The following DCDC2 variants were observed in gnomAD, a reference collection of about 807,000 sequenced individuals.
DCDC2 encodes the protein doublecortin domain containing 2.
Under a neutral mutation model 50.2 loss-of-function variants are expected in DCDC2, and 40 were observed. The ratio of observed to expected loss-of-function variants is 0.80; its 90% CI spans 0.62 to 1.04. The LOEUF is 1.04. DCDC2 is among the 50% of genes least tolerant of loss of function. The pLI, the probability that DCDC2 is intolerant of heterozygous loss-of-function variation, is 0.00. For missense variants in DCDC2, 570 were observed against 581.9 expected, an observed-to-expected ratio of 0.98 and a Z score of 0.21; for synonymous variants, 234 against 210.6, an observed-to-expected ratio of 1.11 and a Z score of -0.96.
chr6:24,313,935 T>C (rs750030218), intron 2 of DCDC2, among the ~76,000 whole-genome samples: 6 of 152,060 alleles, frequency 3.9e-5, no homozygotes, highest in African/African-American at 7.3e-5. Context: ...AAGGGAAGAA[T>C]AAGGTGGTGC....
At chr6:24,210,071 T>TCTGC (rs1270490925) in intron 7 of DCDC2, among the ~76,000 whole-genome samples, 3,209 of 140,604 alleles carry the variant, frequency 0.023, 39 homozygotes, top group Middle Eastern at 0.043. Context: ...TGTCTGTCTG[T>TCTGC]CTGCCTGCCT....
At chr6:24,227,501 G>A (rs1476248054) in intron 7 of DCDC2, among the ~76,000 whole-genome samples, 2 of 152,162 alleles carry the variant, frequency 1.3e-5, no homozygotes, top group South Asian at 2.1e-4. Flanking sequence ...AGCCAGACCC[G>A]TCAAAAGAGT....
chr6:24,220,424 G>A (rs1856837), intron 7 of DCDC2, among the ~76,000 whole-genome samples: 125,660 of 152,148 alleles, frequency 0.83, 52,631 homozygotes, highest in Non-Finnish European at 0.9. Flanking sequence ...GTCAAGAAGC[G>A]GAGAAGAAAT....
chr6:24,260,340 C>G (rs554642863), intron 7 of DCDC2, among the ~76,000 whole-genome samples: 2 of 151,574 alleles, frequency 1.3e-5, no homozygotes, highest in Admixed American at 6.5e-5. Flanking sequence ...ACTTGGAGAC[C>G]AGTCCAGACT....
At chr6:24,300,506 C>A (rs1056758277) in intron 4 of DCDC2, among the ~76,000 whole-genome samples, 1 of 152,204 alleles carries the variant, frequency 6.6e-6, no homozygotes, top group Admixed American at 6.5e-5. Context: ...ATGCTCTTTA[C>A]TTATATCGTA....
intron 2 of DCDC2, among the ~76,000 whole-genome samples, chr6:24,348,807 TAATC>T (rs1339129772): frequency 1.3e-5 from 2 of 152,174 alleles, no homozygotes; most frequent in Non-Finnish European, 2.9e-5. Context: ...TGCCACTAGA[TAATC>T]ATAGCTAGTT....
rs1052135359 is a variant in DCDC2, at chr6:24,178,582, C to T, written c.1074G>A (p.Lys358=). ...AAAAGTCTTCTTTCTGTTCTGCATC[C>T]TTGTTTGCCTTCTCTCCATCTTCTT... is the stretch of plus-strand genomic sequence containing the variant. ...DEEEDGEKAN[K]DAEQKEDFSG... Residue 358 remains lysine, a synonymous_variant, in exon 9 of 10, where the codon AAG becomes AAA. Transcript: ENST00000378454. 1.2e-6 allele frequency: 2 copies of T among 1,613,840 alleles called. No individual in the cohort carries two copies. Among genetic ancestry groups the T allele is most frequent in the African/African-American group, 1.3e-5 (1 of 74,906 alleles).
chr6:24,352,804 A>T (rs1760396422), intron 2 of DCDC2, among the ~76,000 whole-genome samples: 1 of 152,106 alleles, frequency 6.6e-6, no homozygotes, highest in Non-Finnish European at 1.5e-5. Context: ...CATTGGAAGC[A>T]CTTGTTTATT....
intron 2 of DCDC2, among the ~76,000 whole-genome samples, chr6:24,349,304 A>G (rs72833035): frequency 0.02 from 3,016 of 152,364 alleles, 43 homozygotes; most frequent in Middle Eastern, 0.031. Flanking sequence ...TCTTTTCAGC[A>G]AGACTATAAA....
At chr6:24,306,415 G>A (rs1319470885) in intron 2 of DCDC2, among the ~76,000 whole-genome samples, 5 of 151,962 alleles carry the variant, frequency 3.3e-5, no homozygotes, top group African/African-American at 9.7e-5. Flanking sequence ...TAGGTTAGCC[G>A]AGTGAATTAG....
At chr6:24,238,630 A>C (rs1581604857) in intron 7 of DCDC2, among the ~76,000 whole-genome samples, 1 of 152,244 alleles carries the variant, frequency 6.6e-6, no homozygotes, top group South Asian at 2.1e-4. Flanking sequence ...TTAGGCTATA[A>C]CCAGAAGTCA....
chr6:24,338,299 G>A (rs1396508624), intron 2 of DCDC2, among the ~76,000 whole-genome samples: 1 of 151,986 alleles, frequency 6.6e-6, no homozygotes, highest in Non-Finnish European at 1.5e-5. Flanking sequence ...CATTTAGGCT[G>A]GCTCAATATT....
intron 7 of DCDC2, among the ~76,000 whole-genome samples, chr6:24,270,932 T>TC (rs1299450935): frequency 1.3e-5 from 2 of 152,010 alleles, no homozygotes; most frequent in Admixed American, 6.6e-5. Context: ...ACAGAAAGGT[T>TC]CAGACCTGGC....
chr6:24,350,989 G>A (rs2127254087), intron 2 of DCDC2, among the ~76,000 whole-genome samples: 1 of 152,154 alleles, frequency 6.6e-6, no homozygotes, highest in East Asian at 1.9e-4. Flanking sequence ...ATCAGTTGTG[G>A]GAAAGAGAAA....
At chr6:24,288,756 G>GT in intron 6 of DCDC2, 96 bp downstream of exon 6, 1 of 1,175,152 alleles carries the variant, frequency 8.5e-7, no homozygotes, top group Non-Finnish European at 1.3e-6. Flanking sequence ...AAGCGGCTAA[G>GT]TTTTATCTCT....
At chr6:24,181,591 T>C (rs1308036820) in intron 8 of DCDC2, among the ~76,000 whole-genome samples, 1 of 152,028 alleles carries the variant, frequency 6.6e-6, no homozygotes, top group Admixed American at 6.6e-5. Flanking sequence ...TACAATAGCA[T>C]CAAAAGGAAT....
At chr6:24,310,302 A>G (rs1186675018) in intron 2 of DCDC2, among the ~76,000 whole-genome samples, 1 of 152,172 alleles carries the variant, frequency 6.6e-6, no homozygotes, top group Non-Finnish European at 1.5e-5. Flanking sequence ...AGAAAATTAA[A>G]TAAGTATTGT....
At chr6:24,364,283 A>G in the DCDC2 span, among the ~76,000 whole-genome samples, 1 of 152,176 alleles carries the variant, frequency 6.6e-6, no homozygotes, top group African/African-American at 2.4e-5. Context: ...TTTTTAAAAG[A>G]TGGGATCTCA....
intron 2 of DCDC2, among the ~76,000 whole-genome samples, chr6:24,342,921 T>C (rs1202208786): frequency 6.6e-6 from 1 of 152,206 alleles, no homozygotes; most frequent in Non-Finnish European, 1.5e-5. Flanking sequence ...TCTTTTCATG[T>C]ATCTTACCTT....
Sources: gnomAD v4.1 joint callset for allele counts (sites outside exome capture counted in the v4.1 genomes callset) on GRCh38, gnomAD v4.1.1 for gene constraint, MANE v1.5 for transcripts, NCBI Gene and HGNC (gene_info 2026-07-23, HGNC 2026-07-21) for gene names.